EYS: variants seen among roughly 807,000 people sequenced by gnomAD.
The protein encoded by EYS is EGF-like photoreceptor maintenance factor.
In EYS, 250 loss-of-function variants were observed where a neutral mutation model predicts 282.1. The ratio of observed to expected loss-of-function variants is 0.89; its 90% CI spans 0.80 to 0.98. The LOEUF is 0.98. Ranked by LOEUF, EYS falls within the 50% of genes least tolerant of loss-of-function variation. The pLI is 0.00. For missense variants in EYS, 4,016 were observed against 3,709.0 expected, an observed-to-expected ratio of 1.08 and a Z score of -2.15; for synonymous variants, 1,355 against 1,282.9, an observed-to-expected ratio of 1.06 and a Z score of -1.20.
intron 1 of EYS, among the ~76,000 whole-genome samples, chr6:65,674,138 A>G (rs2149834237): frequency 6.6e-6 from 1 of 152,098 alleles, no homozygotes; most frequent in East Asian, 1.9e-4. Context: ...AGAAAGCCTA[A>G]AAGACTGATG....
At chr6:64,117,339 A>C (rs1773422005) in intron 31 of EYS, among the ~76,000 whole-genome samples, 1 of 141,994 alleles carries the variant, frequency 7.0e-6, no homozygotes, top group Non-Finnish European at 1.6e-5. Flanking sequence ...CCCCCCCCCC[A>C]ATTAGTAGAA....
At chr6:64,546,224 T>C (rs1281959906) in intron 26 of EYS, among the ~76,000 whole-genome samples, 1 of 152,158 alleles carries the variant, frequency 6.6e-6, no homozygotes. Flanking sequence ...GCCGCATATC[T>C]ACAACCATCT....
At chr6:64,966,976 C>A (rs1471140702) in intron 14 of EYS, among the ~76,000 whole-genome samples, 3 of 152,144 alleles carry the variant, frequency 2.0e-5, no homozygotes, top group Non-Finnish European at 4.4e-5. Flanking sequence ...CCAGTTAGCA[C>A]ATCAAAAAGC....
At chr6:64,481,775 AGT>A (rs574308392) in intron 26 of EYS, among the ~76,000 whole-genome samples, 51 of 151,796 alleles carry the variant, frequency 3.4e-4, no homozygotes, top group Admixed American at 3.4e-3. Context: ...TGTTCATTCC[AGT>A]GTATCTTCAG....
chr6:65,418,917 A>G (rs1301411799), intron 5 of EYS, among the ~76,000 whole-genome samples: 1 of 151,996 alleles, frequency 6.6e-6, no homozygotes, highest in African/African-American at 2.4e-5. Flanking sequence ...TTGGACAGTG[A>G]AGCCTCTCTA....
intron 22 of EYS, among the ~76,000 whole-genome samples, chr6:64,735,408 C>T (rs903549390): frequency 6.6e-6 from 1 of 152,116 alleles, no homozygotes; most frequent in Non-Finnish European, 1.5e-5. Context: ...TTTTCTGCCT[C>T]CTGTGCACTA....
At chr6:65,112,944 T>G (rs1775254900) in intron 12 of EYS, among the ~76,000 whole-genome samples, 1 of 152,148 alleles carries the variant, frequency 6.6e-6, no homozygotes, top group African/African-American at 2.4e-5. Flanking sequence ...TTATACCATT[T>G]TACTGAAGTG....
intron 15 of EYS, among the ~76,000 whole-genome samples, chr6:64,938,524 G>A (rs1349325308): frequency 6.6e-6 from 1 of 151,562 alleles, no homozygotes; most frequent in Non-Finnish European, 1.5e-5. Flanking sequence ...GGTTTGACGT[G>A]ATGTCTTGTC....
intron 28 of EYS, among the ~76,000 whole-genome samples, chr6:64,397,201 A>G (rs1773409880): frequency 6.6e-6 from 1 of 152,024 alleles, no homozygotes; most frequent in Non-Finnish European, 1.5e-5. Flanking sequence ...GTTATGATAT[A>G]TGGCTTTCTT....
chr6:64,078,819 A>T (rs1381611065), intron 32 of EYS, among the ~76,000 whole-genome samples: 1 of 152,084 alleles, frequency 6.6e-6, no homozygotes, highest in Non-Finnish European at 1.5e-5. Context: ...TTGGATTTAG[A>T]TTAAAGTACG....
chr6:65,290,776 G>A (rs1768503179), intron 12 of EYS, among the ~76,000 whole-genome samples: 1 of 151,256 alleles, frequency 6.6e-6, no homozygotes, highest in South Asian at 2.1e-4. Context: ...TAAAATGTCA[G>A]TTTATTAAAC....
chr6:64,188,330 C>T (rs1358997104), intron 31 of EYS, among the ~76,000 whole-genome samples: 1 of 152,040 alleles, frequency 6.6e-6, no homozygotes, highest in Non-Finnish European at 1.5e-5. Context: ...TTCTGATCAT[C>T]TTTTTACACA....
At chr6:64,388,901 A>G in intron 28 of EYS, 61 bp from the exon 29 acceptor site, 1 of 1,070,192 alleles carries the variant, frequency 9.3e-7, no homozygotes, top group East Asian at 3.1e-5. Flanking sequence ...TATCTGACAA[A>G]TTAATTAAAC....
At position 65,013,695 on chromosome 6, in the gene EYS, G is replaced by T. The variant is rs563540288; in HGVS notation, c.2138-15992C>A. On this transcript the variant is annotated intron_variant, in intron 13 of 42. Coordinates refer to ENST00000503581, the MANE Select transcript of EYS (RefSeq NM_001142800.2). ...GTTTGAGACTAGTTTCAGCAACATAGTGAGACCCCTAGAGGTGGTGAAGAG... is the reference window on the plus strand; with the variant it reads ...GTTTGAGACTAGTTTCAGCAACATATTGAGACCCCTAGAGGTGGTGAAGAG... 3.9e-5 allele frequency among the ~76,000 whole-genome samples: 6 copies of T among 152,196 alleles called. No individual in the cohort carries two copies. The East Asian group carries it at 1.2e-3, about 30-fold the overall frequency.
chr6:65,626,641 TG>T (rs1766703796), intron 2 of EYS, among the ~76,000 whole-genome samples: 1 of 152,076 alleles, frequency 6.6e-6, no homozygotes, highest in Non-Finnish European at 1.5e-5. Flanking sequence ...AAACAAGCCA[TG>T]GACCCGAATA....
At chr6:64,176,035 C>T (rs187079261) in intron 31 of EYS, among the ~76,000 whole-genome samples, 4 of 152,116 alleles carry the variant, frequency 2.6e-5, no homozygotes, top group African/African-American at 9.6e-5. Context: ...CAATTTTAAA[C>T]ATGATGGTAA....
intron 26 of EYS, among the ~76,000 whole-genome samples, chr6:64,569,555 C>T (rs781318351): frequency 2.4e-4 from 37 of 151,800 alleles, no homozygotes; most frequent in Non-Finnish European, 4.4e-4. Context: ...TCCTGGCTAA[C>T]ACGGTGAAAC....
chr6:64,766,139 G>T (rs1476653287), intron 22 of EYS, among the ~76,000 whole-genome samples: 2 of 151,090 alleles, frequency 1.3e-5, no homozygotes, highest in African/African-American at 2.4e-5. Flanking sequence ...TATTGGCCAG[G>T]ATGGTCTTAA....
At chr6:65,094,687 A>T (rs1774686435) in intron 12 of EYS, among the ~76,000 whole-genome samples, 1 of 151,342 alleles carries the variant, frequency 6.6e-6, no homozygotes, top group African/African-American at 2.4e-5. Flanking sequence ...TTTCTTAAAA[A>T]AATTAAACCA....
Sources: allele counts gnomAD v4.1 joint callset (sites outside exome capture counted in the v4.1 genomes callset), GRCh38; gene constraint gnomAD v4.1.1; transcripts MANE v1.5; gene names NCBI Gene and HGNC (gene_info 2026-07-23, HGNC 2026-07-21).